The following C1orf94 variants were observed in gnomAD, a reference collection of about 807,000 sequenced individuals.
The protein encoded by C1orf94 is chromosome 1 open reading frame 94.
In C1orf94, 45 loss-of-function variants were observed where a neutral mutation model predicts 53.6. That is an observed-to-expected ratio of 0.84 (90% CI 0.66 to 1.08). The LOEUF (loss-of-function observed/expected upper bound fraction) is 1.08. C1orf94 is among the 50% of genes least tolerant of loss of function. C1orf94 has a pLI of 0.00. For synonymous variants in C1orf94, 304 were observed against 296.1 expected (o/e 1.03, Z -0.27); for missense variants, 762 against 738.9 (o/e 1.03, Z -0.36).
Position 34,184,469 on chromosome 1 carries a change from G to C in C1orf94, c.320+6360G>C, listed in dbSNP as rs565349733. On this transcript the variant is annotated intron_variant, in intron 1 of 6. Coordinates refer to ENST00000488417, the MANE Select transcript of C1orf94 (RefSeq NM_001134734.2). ...CAAACTTGGTCTGCAGAGTGGAAAG[G>C]CTTTGGTGAGCATTATTCCAAGCCA... Among the ~76,000 whole-genome samples the C allele has an allele frequency of 3.9e-5, 6 of 152,300 alleles. No homozygotes were observed. The South Asian group carries it at 1.2e-3, about 32-fold the overall frequency.
chr1:34,187,346 G>A lies in C1orf94; in HGVS notation c.320+9237G>A, dbSNP rs188935028. 1.6e-3 allele frequency among the ~76,000 whole-genome samples: 248 copies of A among 152,228 alleles called. 8 individuals are homozygous for A. Among genetic ancestry groups the A allele is most frequent in the Non-Finnish European group, 1.6e-4 (11 of 68,006 alleles). ...AGGCTTGAGTTCTACCCGGAACCAT[G>A]GGCCCTTCCGAATAGCCCTTCCACG... On this transcript the variant is annotated intron_variant, in intron 1 of 6. Transcript: ENST00000488417.
At position 34,199,238 on chromosome 1, in the gene C1orf94, C is replaced by T. The variant is rs114587313; in HGVS notation, c.1009+1325C>T. On this transcript the variant is annotated intron_variant, in intron 2 of 6. Coordinates refer to ENST00000488417, the MANE Select transcript of C1orf94 (RefSeq NM_001134734.2). ...TATGTCTGTGTGCCCAGACCTGGGA[C>T]GAGGGAGCTTCGTAGATGTTTAAGG... is the stretch of plus-strand genomic sequence containing the variant. Among the ~76,000 whole-genome samples, 1,364 of 152,082 alleles carry T rather than the reference C, an allele frequency of 9.0e-3. 13 individuals are homozygous for T. The highest frequency in any genetic ancestry group is 0.016 in the East Asian group (85 of 5,176).
chr1:34,211,585 C>A (rs1208400969), intron 5 of C1orf94, among the ~76,000 whole-genome samples: 1 of 152,142 alleles, frequency 6.6e-6, no homozygotes, highest in Non-Finnish European at 1.5e-5. Context: ...TTTAAATTAG[C>A]TAAAATTAAG....
Position 34,197,303 on chromosome 1 carries a change from C to T in C1orf94, c.399C>T (p.His133=). The T allele has an allele frequency of 6.4e-7, 1 of 1,556,702 alleles. No individual in the cohort carries two copies. The highest frequency in any genetic ancestry group is 8.7e-7 in the Non-Finnish European group (1 of 1,149,582). Residue 133 remains histidine, a synonymous_variant, in exon 2 of 7, where the codon CAC becomes CAT. Transcript: ENST00000488417. The surrounding 1 kb of genome is among the most constrained non-coding windows in gnomAD (Gnocchi z 4.1). ...EQEFLSLTKE[H]SILVEESSGE... is the part of the protein sequence containing the mutation. ...AGTTCCTAAGCCTCACCAAAGAGCACTCGATCCTGGTCGAAGAGAGTTCTG... is the reference window on the plus strand; with the variant it reads ...AGTTCCTAAGCCTCACCAAAGAGCATTCGATCCTGGTCGAAGAGAGTTCTG...
At chr1:34,175,480 TA>T (rs1642211553), upstream of C1orf94, among the ~76,000 whole-genome samples, 1 of 152,210 alleles carries the variant, frequency 6.6e-6, no homozygotes, top group Admixed American at 6.5e-5. Context: ...CATTCTTAAC[TA>T]TAATTTTATT....
intron 1 of C1orf94, among the ~76,000 whole-genome samples, chr1:34,179,653 A>G (rs1241742247): frequency 2.6e-5 from 4 of 152,226 alleles, no homozygotes; most frequent in Non-Finnish European, 5.9e-5. Flanking sequence ...TGAGGATCCA[A>G]TGTGATGGGA....
At chr1:34,194,222 C>T (rs1473752635) in intron 1 of C1orf94, among the ~76,000 whole-genome samples, 3 of 152,188 alleles carry the variant, frequency 2.0e-5, no homozygotes, top group Non-Finnish European at 4.4e-5. Context: ...GAGCATTTCT[C>T]GAGGGCCCAC....
intron 1 of C1orf94, among the ~76,000 whole-genome samples, chr1:34,179,092 C>T (rs563213148): frequency 4.6e-5 from 7 of 152,348 alleles, no homozygotes; most frequent in African/African-American, 2.4e-5. Context: ...TCAGCTGCCT[C>T]GGGTTTCAGG....
At chr1:34,170,793 AAC>A (rs1642135306) in intron 1 of C1orf94, among the ~76,000 whole-genome samples, 2 of 151,700 alleles carry the variant, frequency 1.3e-5, no homozygotes, top group African/African-American at 4.9e-5. Context: ...CAATTCAGGG[AAC>A]AGTTTCCACA....
chr1:34,207,557 C>T (rs1642819812), intron 4 of C1orf94, among the ~76,000 whole-genome samples: 1 of 152,192 alleles, frequency 6.6e-6, no homozygotes, highest in Non-Finnish European at 1.5e-5. Flanking sequence ...CACATAGATA[C>T]ACAGCAACAC....
chr1:34,180,058 T>C (rs1052050064), intron 1 of C1orf94, among the ~76,000 whole-genome samples: 2 of 152,136 alleles, frequency 1.3e-5, no homozygotes, highest in Non-Finnish European at 2.9e-5. Context: ...GCTGGTGGAG[T>C]CAGATAACTC....
intron 1 of C1orf94, among the ~76,000 whole-genome samples, chr1:34,185,184 T>G (rs1199663920): frequency 6.6e-6 from 1 of 152,034 alleles, no homozygotes; most frequent in Non-Finnish European, 1.5e-5. Flanking sequence ...ATTTTTAAAT[T>G]TATTTTTATT....
In C1orf94 at chr1:34,197,391, G is replaced by C. The variant is rs1365866627; in HGVS notation, c.487G>C (p.Ala163Pro). 6.2e-7 allele frequency: 1 copy of C among 1,613,664 alleles called. No individual in the cohort carries two copies. The highest frequency in any genetic ancestry group is 1.7e-5 in the Admixed American group (1 of 59,994). Residue 163 changes from alanine to proline, a missense_variant, in exon 2 of 7, where the codon GCC becomes CCC. Ala to Pro is a conservative substitution (Grantham distance 27, BLOSUM62 -1). Coordinates refer to ENST00000488417, the MANE Select transcript of C1orf94 (RefSeq NM_001134734.2). The surrounding 1 kb of genome is among the most constrained non-coding windows in gnomAD (Gnocchi z 4.1). ...CAGAGAGCTGGCTCCCTGCATTCTT[G>C]CCCCTCCTCTAGTGGCAGGCAGTAA... Reference protein sequence around the residue: ...GTRELAPCILAPPLVAGSNER... With the variant: ...GTRELAPCILPPPLVAGSNER...
chr1:34,199,531 G>A (rs1564276), intron 2 of C1orf94, among the ~76,000 whole-genome samples: 11,691 of 152,218 alleles, frequency 0.077, 889 homozygotes, highest in African/African-American at 0.2. Flanking sequence ...GGGCTAGGGG[G>A]CCAAAAGCTG....
At chr1:34,207,172 G>C (rs1483564061) in intron 4 of C1orf94, among the ~76,000 whole-genome samples, 1 of 152,108 alleles carries the variant, frequency 6.6e-6, no homozygotes, top group Non-Finnish European at 1.5e-5. Flanking sequence ...TTTGGGTTTT[G>C]AGCCTCATCT....
At chr1:34,185,792 C>A (rs1050636165) in intron 1 of C1orf94, among the ~76,000 whole-genome samples, 2 of 152,260 alleles carry the variant, frequency 1.3e-5, no homozygotes, top group Non-Finnish European at 2.9e-5. Context: ...AGACATCTCT[C>A]ATGGCTCGCC....
At chr1:34,169,277 C>T (rs1642102039) in intron 1 of C1orf94, among the ~76,000 whole-genome samples, 1 of 152,158 alleles carries the variant, frequency 6.6e-6, no homozygotes, top group South Asian at 2.1e-4. Flanking sequence ...TAACAGCCTA[C>T]CCGCATCTAG....
intron 1 of C1orf94, among the ~76,000 whole-genome samples, chr1:34,186,460 T>C (rs1642386910): frequency 6.6e-6 from 1 of 152,228 alleles, no homozygotes; most frequent in Non-Finnish European, 1.5e-5. Flanking sequence ...AGGAGATATA[T>C]ATGCCAGGAA....
chr1:34,213,119 G>A (rs1472561567), intron 6 of C1orf94, among the ~76,000 whole-genome samples: 1 of 152,156 alleles, frequency 6.6e-6, no homozygotes, highest in Admixed American at 6.5e-5. Flanking sequence ...GCTCCAAGGG[G>A]CACGTGGTGC....
Sources: gnomAD v4.1 joint callset for allele counts (sites outside exome capture counted in the v4.1 genomes callset) on GRCh38, gnomAD v4.1.1 for gene constraint, Gnocchi (gnomAD v3.1) non-coding constraint, MANE v1.5 for transcripts, NCBI Gene and HGNC (gene_info 2026-07-23, HGNC 2026-07-21) for gene names.